The following DAP variants were observed in gnomAD, a reference collection of about 807,000 sequenced individuals.
The protein encoded by DAP is death associated protein, also known as death-associated protein 1.
In DAP, 8 loss-of-function variants were observed where a neutral mutation model predicts 13.8. The ratio of observed to expected loss-of-function variants is 0.58; its 90% CI spans 0.34 to 1.05. The LOEUF (loss-of-function observed/expected upper bound fraction) is 1.05, where lower values mean the gene tolerates loss of function less well. Among genes scored for constraint, DAP ranks in the 50% least tolerant of loss-of-function variants. DAP has a pLI of 0.03. For synonymous variants in DAP, 47 were observed against 47.5 expected (o/e 0.99, Z 0.04); for missense variants, 106 against 133.2 (o/e 0.80, Z 1.01).
chr5:10,745,731 G>C (rs1419286960), intron 2 of DAP, among the ~76,000 whole-genome samples: 1 of 152,200 alleles, frequency 6.6e-6, no homozygotes, highest in Non-Finnish European at 1.5e-5. Context: ...CTAGCTATCT[G>C]TACCTTATTC....
intron 2 of DAP, among the ~76,000 whole-genome samples, chr5:10,700,483 C>T (rs1037417772): frequency 3.3e-5 from 5 of 152,078 alleles, no homozygotes; most frequent in Non-Finnish European, 5.9e-5. Flanking sequence ...GAAGGGGAGT[C>T]GTTAGGGATG....
At chr5:10,728,514 G>A (rs758401396) in intron 2 of DAP, among the ~76,000 whole-genome samples, 4 of 152,128 alleles carry the variant, frequency 2.6e-5, no homozygotes, top group East Asian at 1.9e-4. Flanking sequence ...AAATATAAAC[G>A]GATGTATGGA....
At chr5:10,736,298 T>C (rs749499265) in intron 2 of DAP, among the ~76,000 whole-genome samples, 88 of 152,236 alleles carry the variant, frequency 5.8e-4, no homozygotes, top group Non-Finnish European at 1.2e-3. Flanking sequence ...GGAAAACTAA[T>C]GTGCTGCTTC....
chr5:10,698,282 CAAAAAAAAAA>C (rs71613386), intron 2 of DAP, among the ~76,000 whole-genome samples: 6 of 42,900 alleles, frequency 1.4e-4, no homozygotes, highest in African/African-American at 4.7e-4. Flanking sequence ...CCAGACTTAG[CAAAAAAAAAA>C]AAAAAAAAAA....
chr5:10,737,444 C>T (rs1739643285), intron 2 of DAP, among the ~76,000 whole-genome samples: 1 of 152,086 alleles, frequency 6.6e-6, no homozygotes, highest in Non-Finnish European at 1.5e-5. Flanking sequence ...ACTGAAATCT[C>T]CACACACATG....
intron 2 of DAP, among the ~76,000 whole-genome samples, chr5:10,719,297 G>A (rs1739075177): frequency 6.6e-6 from 1 of 152,216 alleles, no homozygotes; most frequent in South Asian, 2.1e-4. Context: ...TCCAGAACAG[G>A]AGAGGGCTCT....
chr5:10,713,831 C>T lies in DAP; in HGVS notation c.153-30260G>A, dbSNP rs1346650919. On this transcript the variant is annotated intron_variant, in intron 2 of 3. Transcript: ENST00000230895. ...GGGAACATGCAAGTTCTCTAATGGA[C>T]GGTAAACAGAAGAAAGCAGAGGTCT... Among the ~76,000 whole-genome samples the T allele has an allele frequency of 2.6e-5, 4 of 152,320 alleles. No individual in the cohort carries two copies. In the East Asian group the frequency reaches 5.8e-4, roughly 22 times the overall value.
rs1739179736 is a variant in DAP at position 10,722,589 on chromosome 5, T to C, written c.152+25586A>G. On this transcript the variant is annotated intron_variant, in intron 2 of 3. Transcript: ENST00000230895. ...ATATACATACATACATATATATACA[T>C]ATATACATATATATACATATATACA... Among the ~76,000 whole-genome samples the C allele has an allele frequency of 2.0e-5, 3 of 147,830 alleles. No individual in the cohort carries two copies. In the South Asian group the frequency reaches 6.4e-4, roughly 32 times the overall value.
chr5:10,728,827 C>G (rs776914751), intron 2 of DAP, among the ~76,000 whole-genome samples: 1 of 152,106 alleles, frequency 6.6e-6, no homozygotes, highest in Non-Finnish European at 1.5e-5. Flanking sequence ...GGGAGAGATG[C>G]GGAGAGGAAG....
At chr5:10,752,634 C>G (rs1205684424) in intron 1 of DAP, among the ~76,000 whole-genome samples, 1 of 150,024 alleles carries the variant, frequency 6.7e-6, no homozygotes, top group African/African-American at 2.4e-5. Context: ...AATCCCAGTT[C>G]TGCCTGTGTG....
At chr5:10,747,682 C>T (rs749428958) in intron 2 of DAP, among the ~76,000 whole-genome samples, 2 of 152,200 alleles carry the variant, frequency 1.3e-5, no homozygotes, top group Admixed American at 6.5e-5. Flanking sequence ...CAACAGAAAC[C>T]TGGAGTACAA....
chr5:10,735,409 T>C (rs1239736734), intron 2 of DAP, among the ~76,000 whole-genome samples: 2 of 152,172 alleles, frequency 1.3e-5, no homozygotes, highest in African/African-American at 2.4e-5. Context: ...AAATCCCATC[T>C]CAAGGGTATC....
intron 1 of DAP, among the ~76,000 whole-genome samples, chr5:10,755,035 A>G (rs1239750490): frequency 6.6e-6 from 1 of 152,216 alleles, no homozygotes; most frequent in Admixed American, 6.5e-5. Flanking sequence ...GGAAACTGCT[A>G]TTCTGTGCTT....
chr5:10,746,258 G>T (rs1280650900), intron 2 of DAP, among the ~76,000 whole-genome samples: 1 of 152,020 alleles, frequency 6.6e-6, no homozygotes, highest in East Asian at 1.9e-4. Context: ...CAGGAGAGTT[G>T]CTGATGCTGT....
chr5:10,728,244 T>C (rs1292397541), intron 2 of DAP, among the ~76,000 whole-genome samples: 1 of 152,268 alleles, frequency 6.6e-6, no homozygotes, highest in Non-Finnish European at 1.5e-5. Context: ...TTGAGAATTA[T>C]TTGTTCATCT....
intron 2 of DAP, among the ~76,000 whole-genome samples, chr5:10,728,217 T>G (rs1373193975): frequency 6.6e-6 from 1 of 152,246 alleles, no homozygotes; most frequent in African/African-American, 2.4e-5. Flanking sequence ...AATATTTGTT[T>G]ACAAATATTT....
chr5:10,734,429 T>G lies in DAP; in HGVS notation c.152+13746A>C, dbSNP rs1256407882. 5.9e-5 allele frequency among the ~76,000 whole-genome samples: 9 copies of G among 152,318 alleles called. No homozygotes were observed. The South Asian group carries it at 1.9e-3, about 32-fold the overall frequency. On this transcript the variant is annotated intron_variant, in intron 2 of 3. Coordinates refer to ENST00000230895, the MANE Select transcript of DAP (RefSeq NM_004394.3). ...AAAGCCTGGCCGCCCGCACTTTCTT[T>G]CTTATCCCCAAATCTAAGGAGTTCA...
At chr5:10,709,148 A>G (rs1012352875) in intron 2 of DAP, among the ~76,000 whole-genome samples, 1 of 152,234 alleles carries the variant, frequency 6.6e-6, no homozygotes, top group Non-Finnish European at 1.5e-5. Context: ...GTATTTAATA[A>G]TCTGGATTTT....
In DAP at chr5:10,680,885, G is replaced by A. The variant is rs5745297; in HGVS notation, c.*171C>T. The stretch of plus-strand genomic sequence containing the variant: ...CTCCCCATAAACAAGGTTTGGGCTG[G>A]AGCTGTTTCTAGTTTTAAATATGGA... On this transcript the variant is annotated 3_prime_UTR_variant, in exon 4 of 4. Coordinates refer to ENST00000230895, the MANE Select transcript of DAP (RefSeq NM_004394.3). The A allele has an allele frequency of 0.075, 114,953 of 1,536,988 alleles. 4,757 individuals are homozygous for A. Among genetic ancestry groups the A allele is most frequent in the Non-Finnish European group, 0.087 (100,213 of 1,146,952 alleles).
Sources: allele counts gnomAD v4.1 joint callset (sites outside exome capture counted in the v4.1 genomes callset), GRCh38; gene constraint gnomAD v4.1.1; transcripts MANE v1.5; gene names NCBI Gene and HGNC (gene_info 2026-07-23, HGNC 2026-07-21).